Variants in PRKN observed in about 807,000 individuals in gnomAD.
PRKN encodes E3 ubiquitin-protein ligase parkin.
A neutral mutation model predicts 59.5 loss-of-function variants in PRKN; 56 were observed. That is an observed-to-expected ratio of 0.94 (90% CI 0.76 to 1.18). The LOEUF is 1.18. Ranked by LOEUF, PRKN falls within the 50% of genes most tolerant of loss-of-function variation. The pLI is 0.00. For missense variants in PRKN, 657 were observed against 596.4 expected, an observed-to-expected ratio of 1.10 and a Z score of -1.06; for synonymous variants, 250 against 222.1, an observed-to-expected ratio of 1.13 and a Z score of -1.12.
intron 6 of PRKN, among the ~76,000 whole-genome samples, chr6:161,922,170 T>G (rs1778808765): frequency 6.6e-6 from 1 of 152,220 alleles, no homozygotes. Context: ...AACCCCCTGT[T>G]GTCAAATGCA....
At chr6:162,131,212 A>C (rs1781339291) in intron 4 of PRKN, among the ~76,000 whole-genome samples, 1 of 152,164 alleles carries the variant, frequency 6.6e-6, no homozygotes, top group South Asian at 2.1e-4. Flanking sequence ...ATATACACAG[A>C]AATTTTAGGA....
At chr6:162,658,948 A>C (rs111443339) in intron 1 of PRKN, among the ~76,000 whole-genome samples, 1 of 152,140 alleles carries the variant, frequency 6.6e-6, no homozygotes, top group African/African-American at 2.4e-5. Flanking sequence ...TTTAGTAGTA[A>C]AAAGAAGAAA....
chr6:161,642,650 C>G (rs1783785933), intron 7 of PRKN, among the ~76,000 whole-genome samples: 1 of 151,800 alleles, frequency 6.6e-6, no homozygotes, highest in Non-Finnish European at 1.5e-5. Context: ...TACTAAGTAC[C>G]CACAAAAATT....
At chr6:162,701,218 T>C (rs1562508347) in intron 1 of PRKN, among the ~76,000 whole-genome samples, 1 of 152,094 alleles carries the variant, frequency 6.6e-6, no homozygotes. Context: ...GTGATTATAA[T>C]TGTAATGAAC....
intron 1 of PRKN, among the ~76,000 whole-genome samples, chr6:162,555,469 C>T (rs1335673841): frequency 2.0e-5 from 3 of 151,752 alleles, no homozygotes; most frequent in South Asian, 2.1e-4. Context: ...AAAACATTAC[C>T]CAAATAGAAG....
intron 6 of PRKN, among the ~76,000 whole-genome samples, chr6:161,883,944 C>T (rs1037476189): frequency 6.6e-6 from 1 of 152,148 alleles, no homozygotes; most frequent in Admixed American, 6.6e-5. Context: ...TGAGCCACTG[C>T]GCCCAGCCTA....
chr6:161,915,417 A>AC (rs753134071), intron 6 of PRKN, among the ~76,000 whole-genome samples: 2 of 152,066 alleles, frequency 1.3e-5, no homozygotes, highest in Non-Finnish European at 2.9e-5. Flanking sequence ...CTTAACCCTC[A>AC]CATCAAGACA....
At chr6:162,177,993 T>C (rs1783620216) in intron 4 of PRKN, among the ~76,000 whole-genome samples, 2 of 152,288 alleles carry the variant, frequency 1.3e-5, no homozygotes, top group South Asian at 4.1e-4. Context: ...TGAAACACCA[T>C]TAACCACCAG....
chr6:162,416,768 A>G (rs1286892742), intron 2 of PRKN, among the ~76,000 whole-genome samples: 1 of 152,200 alleles, frequency 6.6e-6, no homozygotes, highest in African/African-American at 2.4e-5. Flanking sequence ...ACATTTCTAC[A>G]AAGCATTTTA....
intron 1 of PRKN, among the ~76,000 whole-genome samples, chr6:162,642,586 T>C (rs1281548909): frequency 1.3e-5 from 2 of 152,028 alleles, no homozygotes; most frequent in Non-Finnish European, 2.9e-5. Context: ...AGTAATATTA[T>C]CTTTTTGGTT....
At chr6:161,978,295 C>G (rs781312939) in intron 5 of PRKN, among the ~76,000 whole-genome samples, 1 of 152,152 alleles carries the variant, frequency 6.6e-6, no homozygotes, top group African/African-American at 2.4e-5. Context: ...GGTGATCCAC[C>G]GGCCTCGGCC....
intron 2 of PRKN, among the ~76,000 whole-genome samples, chr6:162,272,791 G>C (rs938899691): frequency 6.6e-6 from 1 of 151,892 alleles, no homozygotes; most frequent in Admixed American, 6.6e-5. Flanking sequence ...CGAGGTCAGG[G>C]GTTCAAGACC....
Position 161,582,353 on chromosome 6 carries a change from T to C in PRKN, c.872-12937A>G, listed in dbSNP as rs1781367617. Among the ~76,000 whole-genome samples, 1 of 152,132 alleles carries C rather than the reference T, an allele frequency of 6.6e-6. No homozygotes were observed. Among genetic ancestry groups the C allele is most frequent in the Admixed American group, 6.5e-5 (1 of 15,278 alleles). On this transcript the variant is annotated intron_variant, in intron 7 of 11. Transcript: ENST00000366898. This position sits in a 1 kb window ranked among gnomAD's most constrained non-coding sequence, Gnocchi z 4.4. ...TTGAAAGTTCTTCTTTGAAGATCTA[T>C]ACATTACAATGTTGGGCGCAGCAGA...
At chr6:162,072,502 A>T (rs1778622048) in intron 4 of PRKN, among the ~76,000 whole-genome samples, 1 of 152,182 alleles carries the variant, frequency 6.6e-6, no homozygotes, top group South Asian at 2.1e-4. Context: ...ATCGATCCCA[A>T]ACAAGATGAT....
chr6:162,703,314 T>C (rs1778224689), intron 1 of PRKN, among the ~76,000 whole-genome samples: 1 of 152,364 alleles, frequency 6.6e-6, no homozygotes, highest in Non-Finnish European at 1.5e-5. Context: ...ATGTAAAATA[T>C]GTATAAAATA....
At chr6:161,598,061 A>C (rs1781978819) in intron 7 of PRKN, among the ~76,000 whole-genome samples, 1 of 152,194 alleles carries the variant, frequency 6.6e-6, no homozygotes, top group Non-Finnish European at 1.5e-5. Flanking sequence ...TAGAGTATAA[A>C]TCTCTTGAGG....
At chr6:162,337,471 A>T (rs1162858016) in intron 2 of PRKN, among the ~76,000 whole-genome samples, 2 of 152,228 alleles carry the variant, frequency 1.3e-5, no homozygotes, top group Non-Finnish European at 2.9e-5. Flanking sequence ...TGTGTGATGA[A>T]TGTCACTACA....
chr6:162,359,075 A>T (rs56160347), intron 2 of PRKN, among the ~76,000 whole-genome samples: 12,653 of 99,068 alleles, frequency 0.13, 714 homozygotes, highest in African/African-American at 0.17. Context: ...AAAAAAAAAA[A>T]AAAAATATAT....
At chr6:162,044,383 C>T (rs1026631749) in intron 5 of PRKN, among the ~76,000 whole-genome samples, 1 of 152,192 alleles carries the variant, frequency 6.6e-6, no homozygotes, top group African/African-American at 2.4e-5. Context: ...CCTGCTGCCA[C>T]GGGGCTCCTG....
Sources: gnomAD v4.1 joint callset for allele counts (sites outside exome capture counted in the v4.1 genomes callset) on GRCh38, gnomAD v4.1.1 for gene constraint, Gnocchi (gnomAD v3.1) non-coding constraint, MANE v1.5 for transcripts, NCBI Gene and HGNC (gene_info 2026-07-23, HGNC 2026-07-21) for gene names.